SFMBT2: variants seen among roughly 807,000 people sequenced by gnomAD.
SFMBT2 encodes the protein scm-like with four MBT domains protein 2.
A neutral mutation model predicts 110.1 loss-of-function variants in SFMBT2; 38 were observed. The observed-to-expected ratio is 0.35, with a 90% CI of 0.27 to 0.45. The LOEUF (loss-of-function observed/expected upper bound fraction) is 0.45, where lower values mean the gene tolerates loss of function less well. Ranked by LOEUF, SFMBT2 falls within the 20% of genes least tolerant of loss-of-function variation. The pLI is 1.00. For synonymous variants in SFMBT2, 425 were observed against 425.4 expected, an observed-to-expected ratio of 1.00 and a Z score of 0.01; for missense variants, 1,011 against 1,094.9, an observed-to-expected ratio of 0.92 and a Z score of 1.08.
At chr10:7,409,499 C>CA (rs1193632942) in intron 1 of SFMBT2, among the ~76,000 whole-genome samples, 2 of 152,122 alleles carry the variant, frequency 1.3e-5, no homozygotes, top group East Asian at 3.9e-4. Flanking sequence ...CACACACACC[C>CA]AAAAAAACTG....
At chr10:7,334,578 T>C (rs1156729934) in intron 4 of SFMBT2, among the ~76,000 whole-genome samples, 1 of 152,140 alleles carries the variant, frequency 6.6e-6, no homozygotes, top group Non-Finnish European at 1.5e-5. Context: ...ACTCAGACCT[T>C]ATAAGTGAGC....
At chr10:7,377,042 A>G (rs916992248) in intron 2 of SFMBT2, among the ~76,000 whole-genome samples, 8 of 151,224 alleles carry the variant, frequency 5.3e-5, no homozygotes, top group East Asian at 1.9e-4. Context: ...GGTGGCGGGC[A>G]CCTGTAGTCC....
intron 4 of SFMBT2, among the ~76,000 whole-genome samples, chr10:7,340,865 A>T (rs1226394609): frequency 6.6e-6 from 1 of 152,022 alleles, no homozygotes; most frequent in Non-Finnish European, 1.5e-5. Context: ...TGGGACAGAA[A>T]CTGCAGGGAT....
intron 9 of SFMBT2, among the ~76,000 whole-genome samples, chr10:7,228,703 C>G (rs1337700688): frequency 7.5e-6 from 1 of 132,998 alleles, no homozygotes; most frequent in Non-Finnish European, 1.6e-5. Context: ...TTCTTTCTTT[C>G]TTTCTTTCTT....
At chr10:7,254,099 AT>A (rs1187133294) in intron 7 of SFMBT2, among the ~76,000 whole-genome samples, 1 of 152,228 alleles carries the variant, frequency 6.6e-6, no homozygotes, top group Non-Finnish European at 1.5e-5. Flanking sequence ...TCCATGCTGT[AT>A]GTGCAGAACT....
intron 4 of SFMBT2, among the ~76,000 whole-genome samples, chr10:7,332,026 AAAAAAAAAAAAG>A (rs1484844423): frequency 4.0e-4 from 56 of 138,384 alleles, no homozygotes; most frequent in African/African-American, 1.3e-3. Context: ...AAAAAAAAAA[AAAAAAAAAAAAG>A]GAAAGGTGAA....
At chr10:7,179,544 A>G (rs1161265996) in intron 16 of SFMBT2, among the ~76,000 whole-genome samples, 1 of 152,152 alleles carries the variant, frequency 6.6e-6, no homozygotes, top group Non-Finnish European at 1.5e-5. Flanking sequence ...ATCCACTACG[A>G]GTTTGGTGGC....
At position 7,395,365 on chromosome 10, in the gene SFMBT2, G is replaced by A. The variant is rs565816568; in HGVS notation, c.-51-13416C>T. Among the ~76,000 whole-genome samples the A allele has an allele frequency of 1.8e-4, 27 of 152,348 alleles. No homozygotes were observed. In the East Asian group the frequency reaches 4.4e-3, roughly 25 times the overall value. ...CCTCCATGGCCGTCTGGCTTCCATC[G>A]CTGAAGTGTCTGATGCTGTCCTAAT... On this transcript the variant is annotated intron_variant, in intron 1 of 20. Coordinates refer to ENST00000397167, the MANE Select transcript of SFMBT2 (RefSeq NM_001387889.1).
chr10:7,268,887 C>T (rs568428030), intron 7 of SFMBT2, among the ~76,000 whole-genome samples: 1 of 152,296 alleles, frequency 6.6e-6, no homozygotes, highest in African/African-American at 2.4e-5. Flanking sequence ...CTGAGACTCA[C>T]CCAGCTGTGT....
chr10:7,225,192 C>T (rs749526721), intron 10 of SFMBT2, among the ~76,000 whole-genome samples: 2 of 152,174 alleles, frequency 1.3e-5, no homozygotes, highest in Non-Finnish European at 2.9e-5. Context: ...AAAGCTACAA[C>T]CACATAACCT....
At chr10:7,319,652 C>CAGAGAG (rs35461195) in intron 4 of SFMBT2, among the ~76,000 whole-genome samples, 2 of 139,836 alleles carry the variant, frequency 1.4e-5, no homozygotes, top group African/African-American at 5.0e-5. Flanking sequence ...AAGAGAGAGA[C>CAGAGAG]AGAGAGAGAG....
At chr10:7,322,399 T>G (rs1000467197) in intron 4 of SFMBT2, among the ~76,000 whole-genome samples, 3 of 152,176 alleles carry the variant, frequency 2.0e-5, no homozygotes, top group African/African-American at 7.2e-5. Flanking sequence ...GAAAGTGGAC[T>G]GACACAGTAC....
chr10:7,169,475 A>G (rs1837805373), intron 20 of SFMBT2, among the ~76,000 whole-genome samples: 2 of 152,232 alleles, frequency 1.3e-5, no homozygotes, highest in Admixed American at 1.3e-4. Flanking sequence ...CTGGGTACAC[A>G]GGAAGTCACA....
intron 2 of SFMBT2, among the ~76,000 whole-genome samples, chr10:7,378,145 T>C (rs1180760823): frequency 7.3e-6 from 1 of 137,808 alleles, no homozygotes; most frequent in Admixed American, 7.3e-5. Context: ...TGTGAGTGTA[T>C]GGATGGGTGG....
chr10:7,199,843 A>G (rs1838895625), intron 14 of SFMBT2, among the ~76,000 whole-genome samples: 1 of 152,254 alleles, frequency 6.6e-6, no homozygotes, highest in African/African-American at 2.4e-5. Context: ...TTTTTAATCA[A>G]GTATGATAAT....
At chr10:7,183,982 C>T (rs917156688) in intron 16 of SFMBT2, among the ~76,000 whole-genome samples, 2 of 152,164 alleles carry the variant, frequency 1.3e-5, no homozygotes, top group Non-Finnish European at 2.9e-5. Flanking sequence ...GTCAGTTTAA[C>T]CTTCAGGCTC....
At chr10:7,229,564 C>A (rs968044495) in intron 9 of SFMBT2, among the ~76,000 whole-genome samples, 1 of 136,852 alleles carries the variant, frequency 7.3e-6, no homozygotes, top group South Asian at 2.3e-4. Context: ...CACTGCACTC[C>A]AGCCTGGGTG....
chr10:7,172,713 T>A lies in SFMBT2; in HGVS notation c.1985-52A>T, dbSNP rs762101923. 5 of 1,539,124 alleles carry A rather than the reference T, an allele frequency of 3.2e-6. No homozygotes were observed. Among genetic ancestry groups the A allele is most frequent in the Non-Finnish European group, 4.4e-6 (5 of 1,135,336 alleles). ...TGAAGGCTATACACACACACAGACA[T>A]GAACAGAGAGAGGAGAGAGAAAGAA... On this transcript the variant is annotated intron_variant, in intron 17 of 20. Transcript: ENST00000397167. The surrounding 1 kb of genome is among the most constrained non-coding windows in gnomAD (Gnocchi z 4.6).
At chr10:7,390,472 A>G (rs148424872) in intron 1 of SFMBT2, among the ~76,000 whole-genome samples, 2,208 of 152,334 alleles carry the variant, frequency 0.014, 23 homozygotes, top group Non-Finnish European at 0.024. Flanking sequence ...CTGCATTTTT[A>G]TATCAATGGA....
Sources: gnomAD v4.1 joint callset for allele counts (sites outside exome capture counted in the v4.1 genomes callset) on GRCh38, gnomAD v4.1.1 for gene constraint, Gnocchi (gnomAD v3.1) non-coding constraint, MANE v1.5 for transcripts, NCBI Gene and HGNC (gene_info 2026-07-23, HGNC 2026-07-21) for gene names.